DHX57: variants seen among roughly 807,000 people sequenced by gnomAD.
DHX57 encodes the protein DExH-box helicase 57, also known as putative ATP-dependent RNA helicase DHX57.
A neutral mutation model predicts 156.2 loss-of-function variants in DHX57; 105 were observed. The ratio of observed to expected loss-of-function variants is 0.67; its 90% CI spans 0.57 to 0.79. The LOEUF (loss-of-function observed/expected upper bound fraction) is 0.79, where lower values mean the gene tolerates loss of function less well. Among genes scored for constraint, DHX57 ranks in the 30% least tolerant of loss-of-function variants. The pLI is 0.00. For missense variants in DHX57, 1,847 were observed against 1,661.9 expected, an observed-to-expected ratio of 1.11 and a Z score of -1.94; for synonymous variants, 704 against 595.6, an observed-to-expected ratio of 1.18 and a Z score of -2.65.
At chr2:38,856,590 A>G in intron 6 of DHX57, 129 bp from the exon 7 acceptor site, 2 of 1,217,322 alleles carry the variant, frequency 1.6e-6, no homozygotes, top group Non-Finnish European at 1.1e-6. Flanking sequence ...TCCAATCTGC[A>G]CTTCCCAGGC....
At chr2:38,843,248 T>C (rs1285617828) in intron 11 of DHX57, 38 bp from the exon 12 acceptor site, 2 of 1,604,486 alleles carry the variant, frequency 1.2e-6, no homozygotes, top group East Asian at 2.2e-5. Context: ...GTGTATGTGG[T>C]CCTGTTGGTG....
At chr2:38,827,468 A>AG (rs1217029547) in intron 14 of DHX57, among the ~76,000 whole-genome samples, 2 of 122,274 alleles carry the variant, frequency 1.6e-5, no homozygotes, top group Non-Finnish European at 3.3e-5. Flanking sequence ...CCTGGGCCAC[A>AG]GAGCGAGACT....
intron 14 of DHX57, among the ~76,000 whole-genome samples, chr2:38,827,573 T>C (rs13014992): frequency 1.5e-5 from 2 of 131,678 alleles, no homozygotes; most frequent in South Asian, 5.0e-4. Flanking sequence ...CACACACACA[T>C]ACATACACAC....
Position 38,855,052 on chromosome 2 carries a change from C to A in DHX57, c.1905+5G>T. 1 of 1,614,096 alleles carries A rather than the reference C, an allele frequency of 6.2e-7. No individual in the cohort carries two copies. Among genetic ancestry groups the A allele is most frequent in the Non-Finnish European group, 8.5e-7 (1 of 1,180,014 alleles). On this transcript the variant is annotated splice_donor_5th_base_variant and intron_variant, in intron 8 of 23. Transcript: ENST00000457308. ...GTTACCAGGAAATAAGCAGAGCATA[C>A]AAACCTTGACACTTTCTAACCGAAT... is the stretch of plus-strand genomic sequence containing the variant.
At position 38,868,864 on chromosome 2, in the gene DHX57, T is replaced by C. The variant is rs115381635; in HGVS notation, c.-6-453A>G. ...GTCTTGCTCTGTCGCCCAGGCCGGA[T>C]GATCTCAGCTCACTGCAACCTCTGC... is the stretch of plus-strand genomic sequence containing the variant. On this transcript the variant is annotated intron_variant, in intron 1 of 23. Coordinates refer to ENST00000457308, the MANE Select transcript of DHX57 (RefSeq NM_198963.3). Among the ~76,000 whole-genome samples the C allele has an allele frequency of 3.0e-3, 450 of 152,206 alleles. 5 individuals carry two copies. Among genetic ancestry groups the C allele is most frequent in the Middle Eastern group, 0.01 (3 of 294 alleles).
chr2:38,834,210 A>T (rs746906982), intron 13 of DHX57, among the ~76,000 whole-genome samples: 7 of 151,970 alleles, frequency 4.6e-5, no homozygotes, highest in Non-Finnish European at 1.0e-4. Context: ...GCATGCCTGT[A>T]ATCCCAGCTA....
intron 1 of DHX57, among the ~76,000 whole-genome samples, chr2:38,873,906 T>C (rs1225919338): frequency 6.6e-6 from 1 of 152,012 alleles, no homozygotes; most frequent in Non-Finnish European, 1.5e-5. Context: ...CCGGAAGAAA[T>C]TGACAGAATG....
chr2:38,824,013 CA>C (rs71402254), intron 16 of DHX57, among the ~76,000 whole-genome samples: 123 of 140,774 alleles, frequency 8.7e-4, no homozygotes, highest in Middle Eastern at 3.7e-3. Flanking sequence ...TCTGTTTCCA[CA>C]AAAAAAAAAA....
At chr2:38,804,959 C>G (rs1438171582) in intron 22 of DHX57, among the ~76,000 whole-genome samples, 2 of 152,158 alleles carry the variant, frequency 1.3e-5, no homozygotes, top group Admixed American at 1.3e-4. Context: ...TTGCCTGTCT[C>G]CCTCACTAGA....
intron 19 of DHX57, among the ~76,000 whole-genome samples, chr2:38,817,852 T>G (rs1670621199): frequency 6.6e-6 from 1 of 151,918 alleles, no homozygotes; most frequent in Admixed American, 6.6e-5. Context: ...CCCATGTCAC[T>G]AGGTCTGGCT....
chr2:38,801,683 C>T (rs1669691471), intron 23 of DHX57, among the ~76,000 whole-genome samples: 1 of 152,148 alleles, frequency 6.6e-6, no homozygotes, highest in East Asian at 1.9e-4. Context: ...CAACCTCCGC[C>T]TCCTGGGCTC....
chr2:38,873,476 A>T (rs748229683), intron 1 of DHX57, among the ~76,000 whole-genome samples: 1 of 152,356 alleles, frequency 6.6e-6, no homozygotes, highest in South Asian at 2.1e-4. Flanking sequence ...TTCAGAGTTT[A>T]TCTTAAGTTT....
Position 38,848,408 on chromosome 2 carries a change from G to T in DHX57, c.2031-6C>A, listed in dbSNP as rs969021710. On this transcript the variant is annotated splice_polypyrimidine_tract_variant and splice_region_variant and intron_variant, in intron 9 of 23. Coordinates refer to ENST00000457308, the MANE Select transcript of DHX57 (RefSeq NM_198963.3). ...AAACTAGCAGCAAGAAGTCACTAGA[G>T]AAAATAAAAGAAACACCTGAGGATC... 5 of 1,574,052 alleles carry T rather than the reference G, an allele frequency of 3.2e-6. No homozygotes were observed. The Admixed American group carries it at 7.8e-5, about 25-fold the overall frequency.
intron 6 of DHX57, 101 bp from the exon 7 acceptor site, chr2:38,856,562 GGT>G: frequency 2.3e-5 from 33 of 1,425,142 alleles, no homozygotes; most frequent in Non-Finnish European, 2.7e-5. Context: ...GGAGTGCAGT[GGT>G]GCGATCACGG....
At chr2:38,871,559 T>G (rs1665354172) in intron 1 of DHX57, among the ~76,000 whole-genome samples, 1 of 152,136 alleles carries the variant, frequency 6.6e-6, no homozygotes, top group Admixed American at 6.5e-5. Flanking sequence ...CAACAGAAGT[T>G]TATTTGTCTC....
intron 9 of DHX57, among the ~76,000 whole-genome samples, chr2:38,851,677 T>C (rs1672600514): frequency 6.6e-6 from 1 of 152,218 alleles, no homozygotes; most frequent in Non-Finnish European, 1.5e-5. Context: ...TCCAGTGCTA[T>C]GTTCTCATTT....
chr2:38,817,401 A>G (rs1169152198), intron 19 of DHX57, among the ~76,000 whole-genome samples: 1 of 151,994 alleles, frequency 6.6e-6, no homozygotes, highest in African/African-American at 2.4e-5. Context: ...TGAAACCTTC[A>G]TCTCCTGGGT....
At chr2:38,845,137 C>T (rs2124883822) in intron 11 of DHX57, among the ~76,000 whole-genome samples, 1 of 151,646 alleles carries the variant, frequency 6.6e-6, no homozygotes, top group Admixed American at 6.6e-5. Context: ...AACAAGGCTG[C>T]AGTGATCTAT....
At chr2:38,813,615 G>A (rs918168536) in intron 21 of DHX57, among the ~76,000 whole-genome samples, 3 of 152,008 alleles carry the variant, frequency 2.0e-5, no homozygotes, top group Admixed American at 1.3e-4. Context: ...CTCGTGATCC[G>A]CCCGCCTCGG....
Sources: allele counts gnomAD v4.1 joint callset (sites outside exome capture counted in the v4.1 genomes callset), GRCh38; gene constraint gnomAD v4.1.1; transcripts MANE v1.5; gene names NCBI Gene and HGNC (gene_info 2026-07-23, HGNC 2026-07-21).